The following DCHS2 variants were observed in gnomAD, a reference collection of about 807,000 sequenced individuals.
DCHS2 encodes the protein protocadherin-23.
A neutral mutation model predicts 182.4 loss-of-function variants in DCHS2; 142 were observed. The observed-to-expected ratio is 0.78, with a 90% CI of 0.68 to 0.89. DCHS2 has a LOEUF of 0.89. Among genes scored for constraint, DCHS2 ranks in the 40% least tolerant of loss-of-function variants. The probability of loss-of-function intolerance (pLI) is 0.00; values close to 1 mark genes in which losing one functional copy is unlikely to be tolerated. For missense variants in DCHS2, 4,319 were observed against 4,198.6 expected (o/e 1.03, Z -0.79); for synonymous variants, 1,740 against 1,663.3 (o/e 1.05, Z -1.12).
At chr4:154,286,837 A>G (rs1283286484) in intron 13 of DCHS2, among the ~76,000 whole-genome samples, 4 of 152,158 alleles carry the variant, frequency 2.6e-5, no homozygotes, top group African/African-American at 9.6e-5. Flanking sequence ...TTAGAGAAAG[A>G]TACCAATATA....
At chr4:154,248,898 A>T (rs1323254827) in intron 16 of DCHS2, among the ~76,000 whole-genome samples, 1 of 152,206 alleles carries the variant, frequency 6.6e-6, no homozygotes, top group East Asian at 1.9e-4. Flanking sequence ...GAAGAATGAA[A>T]CTAGATCCTT....
At chr4:154,237,335 T>C (rs1731580763) in intron 19 of DCHS2, 176 bp from the exon 20 acceptor site, 1 of 879,746 alleles carries the variant, frequency 1.1e-6, no homozygotes, top group Non-Finnish European at 1.6e-6. Context: ...TATATGTTTA[T>C]AACATGTAAG....
chr4:154,340,344 G>C (rs903951859), intron 3 of DCHS2, among the ~76,000 whole-genome samples: 1 of 152,122 alleles, frequency 6.6e-6, no homozygotes, highest in Non-Finnish European at 1.5e-5. Flanking sequence ...ATATAAAGCC[G>C]AACATGAAAA....
chr4:154,343,034 T>C (rs751301852), intron 3 of DCHS2, among the ~76,000 whole-genome samples: 28 of 152,246 alleles, frequency 1.8e-4, no homozygotes, highest in Non-Finnish European at 3.2e-4. Context: ...AACCTCCTTG[T>C]ATATCTTCAT....
chr4:154,377,546 T>C lies in DCHS2; in HGVS notation c.2053-102A>G. 4.6e-6 allele frequency: 4 copies of C among 870,140 alleles called. No homozygotes were observed. In the South Asian group the frequency reaches 5.5e-5, roughly 12 times the overall value. The allele number at this position is 870,140 out of a possible 1,614,324, so 53.9% of individuals were successfully genotyped here. ...AATTTGCACAACCACATAACCCCCA[T>C]AGCTATTCACAAAGCCTAGGCTTTG... On this transcript the variant is annotated intron_variant, in intron 1 of 19. Transcript: ENST00000357232.
intron 10 of DCHS2, among the ~76,000 whole-genome samples, chr4:154,306,970 A>T (rs1735462173): frequency 6.6e-6 from 1 of 152,122 alleles, no homozygotes; most frequent in South Asian, 2.1e-4. Context: ...TATTCTATAC[A>T]GGTTTTTTAT....
chr4:154,240,775 T>C lies in DCHS2; in HGVS notation c.7121A>G (p.Asp2374Gly). The C allele has an allele frequency of 2.5e-6, 4 of 1,613,886 alleles. No homozygotes were observed. The highest frequency in any genetic ancestry group is 3.4e-6 in the Non-Finnish European group (4 of 1,179,892). The change falls in exon 18 of 20, where the codon GAT (aspartate) becomes GGT (glycine). Residue 2374 changes from aspartate (D) to glycine (G), a missense_variant. By Grantham distance (94) the Asp-to-Gly change is moderately conservative. Coordinates refer to ENST00000357232, the MANE Select transcript of DCHS2 (RefSeq NM_001358235.2). ...ACTGAATATGAAAGCTGAATTCAAA[T>C]CCACATCATGAACTGACACATGAGT... ...IVTHVSVHDV[D>G]LNSAFIFSFA...
chr4:154,311,942 G>A (rs1436854436), intron 10 of DCHS2, among the ~76,000 whole-genome samples: 2 of 151,816 alleles, frequency 1.3e-5, no homozygotes, highest in African/African-American at 4.8e-5. Flanking sequence ...GTTATGACTG[G>A]TCCTTATTCT....
intron 13 of DCHS2, among the ~76,000 whole-genome samples, chr4:154,272,459 T>A (rs968735984): frequency 6.6e-6 from 1 of 152,100 alleles, no homozygotes; most frequent in African/African-American, 2.4e-5. Context: ...TCTTCACGTG[T>A]CAAGGGAGGC....
intron 14 of DCHS2, among the ~76,000 whole-genome samples, chr4:154,268,366 G>A (rs973089967): frequency 6.6e-6 from 1 of 152,132 alleles, no homozygotes; most frequent in Non-Finnish European, 1.5e-5. Flanking sequence ...ACTGCAATAT[G>A]TGACAGTGAA....
chr4:154,452,287 T>C (rs1734565821), intron 1 of DCHS2, among the ~76,000 whole-genome samples: 1 of 152,194 alleles, frequency 6.6e-6, no homozygotes, highest in Non-Finnish European at 1.5e-5. Flanking sequence ...CATTTGTCAA[T>C]CTAATACTCT....
chr4:154,462,172 G>T (rs966597751), intron 1 of DCHS2, among the ~76,000 whole-genome samples: 1 of 152,024 alleles, frequency 6.6e-6, no homozygotes, highest in Non-Finnish European at 1.5e-5. Flanking sequence ...ATCTTTGGTT[G>T]CTCTTTGTCT....
chr4:154,311,881 A>G (rs569050005), intron 10 of DCHS2, among the ~76,000 whole-genome samples: 1 of 152,262 alleles, frequency 6.6e-6, no homozygotes, highest in African/African-American at 2.4e-5. Flanking sequence ...TATTAAATGT[A>G]TTAAGAATAT....
chr4:154,287,463 A>G (rs1734455635), intron 13 of DCHS2, among the ~76,000 whole-genome samples: 1 of 152,120 alleles, frequency 6.6e-6, no homozygotes, highest in African/African-American at 2.4e-5. Flanking sequence ...AAAGTGAGGG[A>G]GCAAAGTTAA....
At chr4:154,331,646 CAA>C (rs775624878) in intron 5 of DCHS2, 6 of 1,613,850 alleles carry the variant, frequency 3.7e-6, no homozygotes, top group South Asian at 3.3e-5. Flanking sequence ...GAACTGAATG[CAA>C]AGTCTGTCCC....
chr4:154,409,857 C>T (rs1732549788), intron 1 of DCHS2, among the ~76,000 whole-genome samples: 1 of 152,210 alleles, frequency 6.6e-6, no homozygotes, highest in Non-Finnish European at 1.5e-5. Flanking sequence ...CTTGCCACCA[C>T]TGCCACAAAC....
intron 1 of DCHS2, among the ~76,000 whole-genome samples, chr4:154,449,240 G>T (rs988552973): frequency 1.3e-5 from 2 of 151,142 alleles, no homozygotes; most frequent in Non-Finnish European, 2.9e-5. Context: ...TGCTGTCATT[G>T]ATACAACTGT....
intron 10 of DCHS2, among the ~76,000 whole-genome samples, chr4:154,315,210 C>T (rs187717427): frequency 2.0e-4 from 31 of 152,234 alleles, no homozygotes; most frequent in African/African-American, 6.7e-4. Flanking sequence ...ATACTCATAA[C>T]AAACTATAAT....
At chr4:154,405,906 C>G (rs971578038) in intron 1 of DCHS2, among the ~76,000 whole-genome samples, 1 of 152,172 alleles carries the variant, frequency 6.6e-6, no homozygotes, top group Admixed American at 6.5e-5. Flanking sequence ...TGTAAATAGC[C>G]TGAATTATGT....
Sources: gnomAD v4.1 joint callset for allele counts (sites outside exome capture counted in the v4.1 genomes callset) on GRCh38, gnomAD v4.1.1 for gene constraint, MANE v1.5 for transcripts, NCBI Gene and HGNC (gene_info 2026-07-23, HGNC 2026-07-21) for gene names.